MGAT5: variants seen among roughly 807,000 people sequenced by gnomAD.
MGAT5 encodes alpha-1,6-mannosylglycoprotein 6-beta-N-acetylglucosaminyltransferase.
Under a neutral mutation model 94.3 loss-of-function variants are expected in MGAT5, and 30 were observed. The observed-to-expected ratio is 0.32, with a 90% CI of 0.24 to 0.43. The LOEUF (loss-of-function observed/expected upper bound fraction) is 0.43. Among genes scored for constraint, MGAT5 ranks in the 20% least tolerant of loss-of-function variants. MGAT5 has a pLI of 1.00. For synonymous variants in MGAT5, 310 were observed against 322.9 expected, an observed-to-expected ratio of 0.96 and a Z score of 0.43; for missense variants, 691 against 905.5, an observed-to-expected ratio of 0.76 and a Z score of 3.04.
At chr2:134,129,837 G>A (rs1686039088) in intron 1 of MGAT5, among the ~76,000 whole-genome samples, 1 of 152,170 alleles carries the variant, frequency 6.6e-6, no homozygotes, top group African/African-American at 2.4e-5. Flanking sequence ...CGTCCACTCT[G>A]GCCACCGTTG....
At chr2:134,422,640 T>C (rs1473877620) in intron 12 of MGAT5, among the ~76,000 whole-genome samples, 163 bp from the exon 13 acceptor site, 1 of 152,194 alleles carries the variant, frequency 6.6e-6, no homozygotes, top group Non-Finnish European at 1.5e-5. Flanking sequence ...ACCATCACTG[T>C]TTTGTTATCT....
chr2:134,408,256 T>C (rs919436510), intron 11 of MGAT5, among the ~76,000 whole-genome samples: 1 of 152,214 alleles, frequency 6.6e-6, no homozygotes, highest in Admixed American at 6.5e-5. Context: ...CACTTGAGGC[T>C]GGCCCAACTG....
At position 134,189,602 on chromosome 2, in the gene MGAT5, G is replaced by GTTT. The variant is rs912983981; in HGVS notation, c.-142-64644_-142-64642dup. On this transcript the variant is annotated intron_variant, in intron 1 of 16. Transcript: ENST00000409645. Reference sequence around the variant, plus strand: ...AACCTCATGGCTCTAGTTTTTTTTTGTTTTTTTTTTTTTTTTTTAAGACAG... The same window carrying GTTT: ...AACCTCATGGCTCTAGTTTTTTTTTGTTTTTTTTTTTTTTTTTTTTTAAGACAG... Among the ~76,000 whole-genome samples the GTTT allele has an allele frequency of 1.5e-3, 122 of 84,110 alleles. 7 individuals are homozygous for GTTT. Among genetic ancestry groups the GTTT allele is most frequent in the South Asian group, 6.3e-3 (15 of 2,366 alleles). The allele number at this position is 84,110 out of a possible 152,430, so 55.2% of individuals were successfully genotyped here.
intron 9 of MGAT5, among the ~76,000 whole-genome samples, chr2:134,362,037 C>T (rs1302509594): frequency 6.6e-6 from 1 of 152,158 alleles, no homozygotes; most frequent in East Asian, 1.9e-4. Context: ...GTATTTTCCC[C>T]TAAAAAGCAG....
intron 1 of MGAT5, among the ~76,000 whole-genome samples, chr2:134,198,669 A>G (rs1305516707): frequency 2.0e-5 from 3 of 152,170 alleles, no homozygotes; most frequent in Non-Finnish European, 4.4e-5. Context: ...TTCCTATGAT[A>G]TATTGTAGTG....
At chr2:134,267,652 C>G (rs187309911) in intron 1 of MGAT5, among the ~76,000 whole-genome samples, 3 of 152,330 alleles carry the variant, frequency 2.0e-5, no homozygotes, top group African/African-American at 7.2e-5. Flanking sequence ...ATGACAACTT[C>G]ATATCCTACC....
intron 1 of MGAT5, among the ~76,000 whole-genome samples, chr2:134,209,152 A>ATTTTTTTTTTTTTTTTTTTTTTTT (rs869116395): frequency 4.8e-5 from 1 of 20,766 alleles, no homozygotes; most frequent in Non-Finnish European, 6.4e-5. Flanking sequence ...TTTTTTTTTT[A>ATTTTTTTTTTTTTTTTTTTTTTTT]TTTTTTTTTT....
chr2:134,346,916 A>G (rs1351251049), intron 8 of MGAT5, among the ~76,000 whole-genome samples: 2 of 152,176 alleles, frequency 1.3e-5, no homozygotes, highest in East Asian at 3.9e-4. Context: ...GGGCATGGCA[A>G]GGAGCTCCTG....
In MGAT5 at chr2:134,454,605, A is replaced by G. The variant is rs2106466604; in HGVS notation, c.*5758A>G. ...ACTAGGGAGAACTTTATTTTTCAAT[A>G]AACTTTTCTTGTGTGACAGGTGGAA... On this transcript the variant is annotated 3_prime_UTR_variant, in exon 16 of 16. Transcript: ENST00000281923. The G allele has an allele frequency of 1.3e-5, 2 of 152,292 alleles. No individual in the cohort carries two copies. Among genetic ancestry groups the G allele is most frequent in the Admixed American group, 6.5e-5 (1 of 15,302 alleles). The allele number at this position is 152,292 out of a possible 1,614,324, so 9.4% of individuals were successfully genotyped here.
chr2:134,171,877 A>T (rs1004085965), intron 1 of MGAT5, among the ~76,000 whole-genome samples: 1 of 152,176 alleles, frequency 6.6e-6, no homozygotes, highest in Non-Finnish European at 1.5e-5. Context: ...CAAGTTATGT[A>T]GAGTAGTCCC....
At chr2:134,250,344 G>T (rs1682521450), upstream of MGAT5, among the ~76,000 whole-genome samples, 1 of 152,212 alleles carries the variant, frequency 6.6e-6, no homozygotes, top group African/African-American at 2.4e-5. Flanking sequence ...GGATGACTTA[G>T]CTAGAGGACA....
intron 1 of MGAT5, among the ~76,000 whole-genome samples, chr2:134,220,978 T>C (rs924096512): frequency 6.6e-6 from 1 of 152,228 alleles, no homozygotes; most frequent in Non-Finnish European, 1.5e-5. Flanking sequence ...TTAATTAGTT[T>C]TCTTCTCCTG....
chr2:134,193,533 C>T (rs770039931), intron 1 of MGAT5, among the ~76,000 whole-genome samples: 7 of 152,174 alleles, frequency 4.6e-5, no homozygotes, highest in Non-Finnish European at 8.8e-5. Context: ...TGCCCTTGTG[C>T]CCAGGCGGTG....
At chr2:134,317,479 T>G in intron 2 of MGAT5, 50 bp from the exon 3 acceptor site, 2 of 1,345,854 alleles carry the variant, frequency 1.5e-6, no homozygotes, top group Non-Finnish European at 2.0e-6. Flanking sequence ...ATGTTAGGCT[T>G]GTGTTTTATA....
chr2:134,199,333 G>C (rs1005445846), intron 1 of MGAT5, among the ~76,000 whole-genome samples: 1 of 152,132 alleles, frequency 6.6e-6, no homozygotes, highest in Admixed American at 6.5e-5. Flanking sequence ...AGCCTCCCGG[G>C]ATGGAGCTGA....
intron 14 of MGAT5, among the ~76,000 whole-genome samples, chr2:134,434,790 G>A (rs1485121032): frequency 2.0e-5 from 3 of 152,104 alleles, no homozygotes; most frequent in African/African-American, 7.2e-5. Context: ...AGTGGCCTGC[G>A]CATCCTATTT....
chr2:134,344,806 C>T (rs1345255167), intron 7 of MGAT5, 124 bp from the exon 8 acceptor site: 18 of 1,086,944 alleles, frequency 1.7e-5, no homozygotes, highest in African/African-American at 1.6e-5. Context: ...TTTGAAAGGG[C>T]CATGCTGTCA....
chr2:134,284,624 G>A (rs1684896989), intron 2 of MGAT5, among the ~76,000 whole-genome samples: 2 of 151,210 alleles, frequency 1.3e-5, no homozygotes, highest in African/African-American at 4.9e-5. Flanking sequence ...AGATCGCTGT[G>A]TCCCAGACAC....
chr2:134,140,420 G>A (rs979428878), intron 1 of MGAT5, among the ~76,000 whole-genome samples: 3 of 152,206 alleles, frequency 2.0e-5, no homozygotes, highest in African/African-American at 7.2e-5. Flanking sequence ...GGGGACTGAC[G>A]CTTTCCCTGC....
Sources: gnomAD v4.1 joint callset for allele counts (sites outside exome capture counted in the v4.1 genomes callset) on GRCh38, gnomAD v4.1.1 for gene constraint, MANE v1.5 for transcripts, NCBI Gene and HGNC (gene_info 2026-07-23, HGNC 2026-07-21) for gene names.